Variants in SLC2A13 observed in about 807,000 individuals in gnomAD.
The protein encoded by SLC2A13 is solute carrier family 2 member 13, also known as proton myo-inositol cotransporter.
SLC2A13 carries 32 observed loss-of-function variants against 64.4 expected under a neutral mutation model. The ratio of observed to expected loss-of-function variants is 0.50; its 90% CI spans 0.37 to 0.67. The LOEUF (loss-of-function observed/expected upper bound fraction) is 0.67, where lower values mean the gene tolerates loss of function less well. Among genes scored for constraint, SLC2A13 ranks in the 30% least tolerant of loss-of-function variants. The pLI, the probability that SLC2A13 is intolerant of heterozygous loss-of-function variation, is 0.00. For synonymous variants in SLC2A13, 338 were observed against 327.1 expected (o/e 1.03, Z -0.36); for missense variants, 743 against 829.2 (o/e 0.90, Z 1.28).
intron 4 of SLC2A13, among the ~76,000 whole-genome samples, chr12:39,885,388 C>G (rs1944442729): frequency 6.6e-6 from 1 of 152,098 alleles, no homozygotes; most frequent in Non-Finnish European, 1.5e-5. Flanking sequence ...GGGCTTTATT[C>G]AGTCATCTAA....
chr12:39,894,972 A>T (rs1189597116), intron 4 of SLC2A13, among the ~76,000 whole-genome samples: 1 of 152,192 alleles, frequency 6.6e-6, no homozygotes, highest in Non-Finnish European at 1.5e-5. Flanking sequence ...TGTGCTTAAG[A>T]AGCATCATGG....
chr12:39,843,425 CTT>C lies in SLC2A13; in HGVS notation c.1320-13199_1320-13198del, dbSNP rs200944440. 7.7e-3 allele frequency among the ~76,000 whole-genome samples: 1,167 copies of C among 152,056 alleles called. 22 individuals carry two copies. Among genetic ancestry groups the C allele is most frequent in the African/African-American group, 0.027 (1,108 of 41,514 alleles). Reference sequence around the variant, plus strand: ...CAGCAGAATGAAAATTTTATATGGCCTTTTGCAGAAAGAATAATAGGGAATCT... The same window carrying C: ...CAGCAGAATGAAAATTTTATATGGCCTTGCAGAAAGAATAATAGGGAATCT... On this transcript the variant is annotated intron_variant, in intron 6 of 9. Coordinates refer to ENST00000280871, the MANE Select transcript of SLC2A13 (RefSeq NM_052885.4).
intron 7 of SLC2A13, among the ~76,000 whole-genome samples, chr12:39,789,196 G>A (rs1941291493): frequency 6.6e-6 from 1 of 151,948 alleles, no homozygotes; most frequent in African/African-American, 2.4e-5. Flanking sequence ...ACCATCATGA[G>A]TTCTGTGTTA....
At chr12:39,845,063 C>T (rs780260853) in intron 6 of SLC2A13, among the ~76,000 whole-genome samples, 48 of 150,998 alleles carry the variant, frequency 3.2e-4, no homozygotes, top group Non-Finnish European at 5.2e-4. Context: ...GAACTTTTAT[C>T]CAAAACTAAT....
intron 3 of SLC2A13, among the ~76,000 whole-genome samples, chr12:40,015,735 G>A (rs986581689): frequency 6.6e-6 from 1 of 152,124 alleles, no homozygotes; most frequent in Non-Finnish European, 1.5e-5. Flanking sequence ...GAAAGCAGAC[G>A]TTTTGCTGTT....
chr12:39,846,548 C>T (rs1338052041), intron 6 of SLC2A13, among the ~76,000 whole-genome samples: 1 of 152,146 alleles, frequency 6.6e-6, no homozygotes, highest in East Asian at 1.9e-4. Context: ...GCCTTCCAGG[C>T]TCAAGTGTTC....
rs1275667388 is a variant in SLC2A13, at chr12:39,983,564, A to C, written c.926-32199T>G. 3.2e-4 allele frequency among the ~76,000 whole-genome samples: 8 copies of C among 25,228 alleles called. 1 individual carries two copies. In the East Asian group the frequency reaches 7.2e-3, roughly 23 times the overall value. 16.6% of individuals were successfully genotyped at this position (25,228 alleles called of 152,430 possible). On this transcript the variant is annotated intron_variant, in intron 3 of 9. Transcript: ENST00000280871. ...AAAAGAAGACATTTATGCAGCCAAA[A>C]AACACATGAAAAAATGCTCATCATC...
At chr12:39,894,346 A>C (rs929356927) in intron 4 of SLC2A13, among the ~76,000 whole-genome samples, 2 of 152,234 alleles carry the variant, frequency 1.3e-5, no homozygotes, top group African/African-American at 4.8e-5. Flanking sequence ...ACATTTGTGA[A>C]TATGATGATT....
At chr12:39,801,902 G>C (rs1420653122) in intron 7 of SLC2A13, among the ~76,000 whole-genome samples, 1 of 152,160 alleles carries the variant, frequency 6.6e-6, no homozygotes, top group Non-Finnish European at 1.5e-5. Context: ...ACTAATTATT[G>C]AACCAGGCAC....
intron 1 of SLC2A13, among the ~76,000 whole-genome samples, chr12:40,063,961 G>A (rs1210214197): frequency 6.6e-6 from 1 of 152,034 alleles, no homozygotes; most frequent in East Asian, 1.9e-4. Context: ...TAAAATATAT[G>A]GCCAGGCATG....
chr12:39,771,042 G>T (rs775969543), intron 7 of SLC2A13, among the ~76,000 whole-genome samples: 12 of 152,114 alleles, frequency 7.9e-5, no homozygotes, highest in South Asian at 4.1e-4. Flanking sequence ...CGTACACAAA[G>T]AATTTCACAT....
chr12:40,048,026 T>C (rs531646073), intron 2 of SLC2A13, 25 bp downstream of exon 2: 1 of 1,558,260 alleles, frequency 6.4e-7, no homozygotes, highest in Non-Finnish European at 8.6e-7. Flanking sequence ...ATTTGAAAAA[T>C]TAAATGTAAA....
At chr12:39,925,029 A>ATT (rs1945695809) in intron 4 of SLC2A13, among the ~76,000 whole-genome samples, 1 of 95,092 alleles carries the variant, frequency 1.1e-5, no homozygotes, top group Non-Finnish European at 2.1e-5. Context: ...ACATACAGAT[A>ATT]ATTTTTTTTT....
intron 6 of SLC2A13, among the ~76,000 whole-genome samples, chr12:39,844,034 AAC>A (rs954881456): frequency 3.9e-5 from 6 of 152,050 alleles, no homozygotes; most frequent in African/African-American, 1.4e-4. Flanking sequence ...ATAAGGTAAG[AAC>A]ACAGTTTTGC....
intron 3 of SLC2A13, among the ~76,000 whole-genome samples, chr12:40,018,161 A>T (rs1947651458): frequency 6.6e-6 from 1 of 152,204 alleles, no homozygotes; most frequent in Non-Finnish European, 1.5e-5. Flanking sequence ...TTTATAAATA[A>T]TAAAACATAA....
chr12:40,005,461 T>A (rs1947399240), intron 3 of SLC2A13, among the ~76,000 whole-genome samples: 1 of 152,074 alleles, frequency 6.6e-6, no homozygotes, highest in South Asian at 2.1e-4. Context: ...TCACTTAAAC[T>A]AAAAGGAAGT....
In SLC2A13 at chr12:39,839,364, T is replaced by TA. The variant is rs202133695; in HGVS notation, c.1320-9137dup. On this transcript the variant is annotated intron_variant, in intron 6 of 9. Transcript: ENST00000280871. ...CATGTAAGTAGGAAACTCATGAGAA[T>TA]AAAAAAAAATCTTAGACACGTGAGT... Among the ~76,000 whole-genome samples the TA allele has an allele frequency of 6.3e-3, 949 of 151,408 alleles. 11 individuals carry two copies. The highest frequency in any genetic ancestry group is 0.022 in the African/African-American group (894 of 41,278).
intron 7 of SLC2A13, among the ~76,000 whole-genome samples, chr12:39,781,093 C>CT (rs958295550): frequency 1.7e-4 from 26 of 152,012 alleles, no homozygotes; most frequent in Middle Eastern, 3.4e-3. Flanking sequence ...CTGCAATTGC[C>CT]TTTTTTTTAC....
intron 2 of SLC2A13, among the ~76,000 whole-genome samples, chr12:40,033,484 G>T (rs923449785): frequency 6.6e-6 from 1 of 152,204 alleles, no homozygotes; most frequent in Admixed American, 6.5e-5. Context: ...CACCCACTGG[G>T]CTGGGTAACT....
Sources: gnomAD v4.1 joint callset for allele counts (sites outside exome capture counted in the v4.1 genomes callset) on GRCh38, gnomAD v4.1.1 for gene constraint, MANE v1.5 for transcripts, NCBI Gene and HGNC (gene_info 2026-07-23, HGNC 2026-07-21) for gene names.